C12orf56: variants seen among roughly 807,000 people sequenced by gnomAD.
The protein encoded by C12orf56 is uncharacterized protein C12orf56.
Under a neutral mutation model 69.9 loss-of-function variants are expected in C12orf56, and 71 were observed. The ratio of observed to expected loss-of-function variants is 1.02; its 90% CI spans 0.84 to 1.24. The LOEUF (loss-of-function observed/expected upper bound fraction) is 1.24. C12orf56 is among the 50% of genes most tolerant of loss of function. The probability of loss-of-function intolerance (pLI) is 0.00; values close to 1 mark genes in which losing one functional copy is unlikely to be tolerated. For missense variants in C12orf56, 732 were observed against 738.5 expected (o/e 0.99, Z 0.10); for synonymous variants, 276 against 274.1 (o/e 1.01, Z -0.07).
chr12:64,333,462 C>G (rs993849362), intron 2 of C12orf56, among the ~76,000 whole-genome samples: 8 of 151,544 alleles, frequency 5.3e-5, no homozygotes, highest in African/African-American at 1.9e-4. Flanking sequence ...TGTTCACGTC[C>G]CTGCCTCTTT....
At chr12:64,272,575 A>G (rs59075056) in intron 11 of C12orf56, among the ~76,000 whole-genome samples, 1 of 70,782 alleles carries the variant, frequency 1.4e-5, no homozygotes, top group Non-Finnish European at 4.1e-5. Flanking sequence ...GTAAAAAAAT[A>G]AAAATAAAAA....
rs113441778 is a variant in C12orf56, at chr12:64,270,906, G to A, written c.1585-192C>T. Reference sequence around the variant, plus strand: ...GAGGAAGCTGGGCATGGTGGCTCACGCCTGTAATCCCAGCACTTTGGGAGA... The same window carrying A: ...GAGGAAGCTGGGCATGGTGGCTCACACCTGTAATCCCAGCACTTTGGGAGA... On this transcript the variant is annotated intron_variant, in intron 11 of 12. Coordinates refer to ENST00000543942, the MANE Select transcript of C12orf56 (RefSeq NM_001170633.2). Among the ~76,000 whole-genome samples the A allele has an allele frequency of 1.4e-3, 212 of 152,276 alleles. 2 individuals are homozygous for A. The highest frequency in any genetic ancestry group is 4.7e-3 in the African/African-American group (194 of 41,560).
At chr12:64,315,541 C>A (rs1478300536) in intron 4 of C12orf56, among the ~76,000 whole-genome samples, 2 of 152,124 alleles carry the variant, frequency 1.3e-5, no homozygotes, top group Non-Finnish European at 2.9e-5. Context: ...CTGAAGGAGG[C>A]TCAACTCTTT....
intron 2 of C12orf56, among the ~76,000 whole-genome samples, chr12:64,351,435 T>C (rs2039220677): frequency 6.6e-6 from 1 of 152,096 alleles, no homozygotes. Flanking sequence ...ATAACAGAAG[T>C]TAAAAGGCAC....
chr12:64,287,395 T>C (rs2038222940), intron 6 of C12orf56, among the ~76,000 whole-genome samples: 1 of 147,436 alleles, frequency 6.8e-6, no homozygotes, highest in Non-Finnish European at 1.5e-5. Flanking sequence ...ATGTGCACAT[T>C]GTGCAGGTTA....
intron 6 of C12orf56, among the ~76,000 whole-genome samples, chr12:64,300,128 C>G (rs1480494038): frequency 6.6e-6 from 1 of 151,874 alleles, no homozygotes; most frequent in East Asian, 1.9e-4. Flanking sequence ...TTGAGCTGAG[C>G]CTTGATGAAT....
At chr12:64,282,724 C>T (rs1296511282) in intron 8 of C12orf56, among the ~76,000 whole-genome samples, 1 of 150,440 alleles carries the variant, frequency 6.6e-6, no homozygotes, top group African/African-American at 2.5e-5. Context: ...GAGCTAAGAT[C>T]GTGTCACTGC....
chr12:64,311,893 A>G (rs761501854), intron 5 of C12orf56, among the ~76,000 whole-genome samples: 2 of 152,218 alleles, frequency 1.3e-5, no homozygotes, highest in Non-Finnish European at 2.9e-5. Context: ...GTGAAGGCAG[A>G]GAGACCAGCT....
intron 3 of C12orf56, among the ~76,000 whole-genome samples, chr12:64,327,910 G>T (rs2038864479): frequency 6.6e-6 from 1 of 152,166 alleles, no homozygotes; most frequent in Admixed American, 6.5e-5. Flanking sequence ...TGCAGCCATT[G>T]TCCAACAATT....
chr12:64,323,117 G>A (rs866929284), intron 3 of C12orf56, among the ~76,000 whole-genome samples: 5 of 152,210 alleles, frequency 3.3e-5, no homozygotes, highest in South Asian at 2.1e-4. Flanking sequence ...TCAGTGACTC[G>A]TGTGCTGCCC....
At chr12:64,370,203 GGTGTGGTGGCGGGCAC>G (rs1424087571) in intron 1 of C12orf56, among the ~76,000 whole-genome samples, 2 of 151,220 alleles carry the variant, frequency 1.3e-5, no homozygotes, top group Non-Finnish European at 2.9e-5. Flanking sequence ...AAATTAGTCA[GGTGTGGTGGCGGGCAC>G]CTGTAATCCC....
chr12:64,353,158 C>A, intron 1 of C12orf56, 102 bp from the exon 2 acceptor site: 1 of 1,097,234 alleles, frequency 9.1e-7, no homozygotes, highest in Non-Finnish European at 1.3e-6. Flanking sequence ...TTTTTTTCCA[C>A]ATATATATAT....
chr12:64,273,706 C>T (rs1308782093), intron 11 of C12orf56, among the ~76,000 whole-genome samples: 4 of 152,216 alleles, frequency 2.6e-5, no homozygotes, highest in African/African-American at 9.6e-5. Flanking sequence ...ACTGTGGTTA[C>T]TCTTGGCCAT....
At chr12:64,383,521 C>G (rs998331452) in intron 1 of C12orf56, among the ~76,000 whole-genome samples, 1 of 151,908 alleles carries the variant, frequency 6.6e-6, no homozygotes, top group East Asian at 1.9e-4. Context: ...GGACTACAGA[C>G]GCGTGCCACC....
intron 6 of C12orf56, 86 bp downstream of exon 6, chr12:64,303,549 A>G: frequency 9.0e-7 from 1 of 1,112,862 alleles, no homozygotes; most frequent in African/African-American, 1.6e-5. Context: ...ATACAAGACA[A>G]CTCTTATTTA....
chr12:64,382,750 G>A (rs894834629), intron 1 of C12orf56, among the ~76,000 whole-genome samples: 8 of 151,858 alleles, frequency 5.3e-5, no homozygotes, highest in African/African-American at 9.7e-5. Context: ...GCGGGTGCCT[G>A]TAGTCCTAGC....
At chr12:64,326,129 G>A (rs1047374084) in intron 3 of C12orf56, among the ~76,000 whole-genome samples, 10 of 152,148 alleles carry the variant, frequency 6.6e-5, no homozygotes, top group African/African-American at 2.4e-4. Context: ...AAGACAATGA[G>A]CCCTGGTAGA....
At chr12:64,367,456 C>T (rs2039512849) in intron 1 of C12orf56, among the ~76,000 whole-genome samples, 1 of 149,882 alleles carries the variant, frequency 6.7e-6, no homozygotes, top group Non-Finnish European at 1.5e-5. Flanking sequence ...TACAATGTTA[C>T]AACAAAGTAG....
chr12:64,281,580 T>G (rs1349708222), intron 8 of C12orf56, among the ~76,000 whole-genome samples: 1 of 151,330 alleles, frequency 6.6e-6, no homozygotes, highest in Non-Finnish European at 1.5e-5. Context: ...TCAAAAAAAA[T>G]AAAAGAAAAA....
Sources: gnomAD v4.1 joint callset for allele counts (sites outside exome capture counted in the v4.1 genomes callset) on GRCh38, gnomAD v4.1.1 for gene constraint, MANE v1.5 for transcripts, NCBI Gene and HGNC (gene_info 2026-07-23, HGNC 2026-07-21) for gene names.